Variants in FKBP15 observed in about 807,000 individuals in gnomAD.
FKBP15 encodes FK506-binding protein 15.
In FKBP15, 106 loss-of-function variants were observed where a neutral mutation model predicts 158.1. The ratio of observed to expected loss-of-function variants is 0.67; its 90% confidence interval spans 0.57 to 0.79. FKBP15 has a LOEUF of 0.79. Among genes scored for constraint, FKBP15 ranks in the 30% least tolerant of loss-of-function variants. The pLI is 0.00. For missense variants in FKBP15, 1,287 were observed against 1,479.1 expected, an observed-to-expected ratio of 0.87 and a Z score of 2.13; for synonymous variants, 547 against 548.6, an observed-to-expected ratio of 1.00 and a Z score of 0.04.
intron 6 of FKBP15, among the ~76,000 whole-genome samples, chr9:113,202,174 G>A (rs770052427): frequency 6.6e-5 from 10 of 152,046 alleles, no homozygotes; most frequent in South Asian, 4.1e-4. Flanking sequence ...GATTACAAGC[G>A]TGGCATGAAC....
At chr9:113,189,917 A>G (rs2118899901) in intron 12 of FKBP15, among the ~76,000 whole-genome samples, 1 of 152,354 alleles carries the variant, frequency 6.6e-6, no homozygotes, top group South Asian at 2.1e-4. Context: ...TGTGATATTT[A>G]TAATCTGAAA....
intron 21 of FKBP15, among the ~76,000 whole-genome samples, chr9:113,176,018 G>A (rs997532848): frequency 5.3e-5 from 8 of 152,122 alleles, no homozygotes; most frequent in East Asian, 3.8e-4. Context: ...AATCCATCAC[G>A]TAGGAATGCT....
intron 7 of FKBP15, 102 bp from the exon 8 acceptor site, chr9:113,199,025 G>T: frequency 2.6e-6 from 2 of 769,756 alleles, no homozygotes; most frequent in Non-Finnish European, 2.2e-6. Flanking sequence ...TTCTGGAATA[G>T]GGAATGTCAA....
At chr9:113,216,037 C>T (rs1831124061) in intron 1 of FKBP15, among the ~76,000 whole-genome samples, 1 of 138,362 alleles carries the variant, frequency 7.2e-6, no homozygotes, top group Non-Finnish European at 1.5e-5. Flanking sequence ...CAAAATGATG[C>T]CAATAGACTC....
chr9:113,170,570 T>C lies in FKBP15; in HGVS notation c.2718A>G (p.Glu906=). The change falls in exon 25 of 28, where the codon GAA becomes GAG. Residue 906 remains glutamate, a synonymous_variant. Coordinates refer to ENST00000238256, the MANE Select transcript of FKBP15 (RefSeq NM_015258.2). ...QSLRREFELE[E]SYNGRTILGT... ...CCAGAATGGTCCTGCCATTGTAAGA[T>C]TCCTCCAGCTCAAACTCTCTCCGTA... The C allele has an allele frequency of 6.2e-7, 1 of 1,614,010 alleles. No homozygotes were observed. The highest frequency in any genetic ancestry group is 1.1e-5 in the South Asian group (1 of 91,086).
At position 113,161,844 on chromosome 9, in the gene FKBP15, C is replaced by T; in HGVS notation, c.*4234G>A. ...GACTTGCCAAAGTGGCTACACATAG[C>T]CAAGTGAACTAGAGCTCATGTCTCC... On this transcript the variant is annotated 3_prime_UTR_variant, in exon 28 of 28. Coordinates refer to ENST00000238256, the MANE Select transcript of FKBP15 (RefSeq NM_015258.2). 1.2e-6 allele frequency: 1 copy of T among 841,074 alleles called. No individual in the cohort carries two copies. The highest frequency in any genetic ancestry group is 2.0e-6 in the Non-Finnish European group (1 of 509,808). 52.1% of individuals were successfully genotyped at this position (841,074 alleles called of 1,614,324 possible). A position where few individuals can be genotyped will look rare whatever the true frequency, so the allele number is the denominator to read the frequency against.
chr9:113,213,645 T>C (rs957342878), intron 1 of FKBP15, among the ~76,000 whole-genome samples: 5 of 151,780 alleles, frequency 3.3e-5, no homozygotes, highest in Admixed American at 6.6e-5. Context: ...GGTGGCGTTA[T>C]AAGAAGAGGA....
intron 1 of FKBP15, among the ~76,000 whole-genome samples, chr9:113,218,398 TATATATATATATATAC>T (rs1014688158): frequency 7.3e-6 from 1 of 137,416 alleles, no homozygotes; most frequent in African/African-American, 2.6e-5. Flanking sequence ...TATATATATA[TATATATATATATATAC>T]ATTTCTCATT....
At chr9:113,173,648 G>A (rs879216172) in intron 22 of FKBP15, 43 bp from the exon 23 acceptor site, 1 of 1,589,730 alleles carries the variant, frequency 6.3e-7, no homozygotes, top group Non-Finnish European at 8.6e-7. Flanking sequence ...TGGGGGTGGG[G>A]GAGTGAGATT....
chr9:113,170,378 C>A, intron 25 of FKBP15, 144 bp downstream of exon 25: 1 of 653,440 alleles, frequency 1.5e-6, no homozygotes, highest in South Asian at 1.9e-5. Flanking sequence ...GCAGTCCTCC[C>A]ACCTTGGCCT....
intron 7 of FKBP15, 135 bp downstream of exon 7, chr9:113,199,679 T>C: frequency 1.2e-6 from 1 of 862,482 alleles, no homozygotes; most frequent in Non-Finnish European, 1.7e-6. Context: ...CCAAAGCAAT[T>C]GCAGTGTCTA....
Position 113,184,217 on chromosome 9 carries a change from TAAAGAGTAGTACCTCTG to T in FKBP15, c.1716+58_1716+74del. The T allele has an allele frequency of 9.9e-7, 1 of 1,014,920 alleles. No individual in the cohort carries two copies. The highest frequency in any genetic ancestry group is 1.5e-6 in the Non-Finnish European group (1 of 668,320). 62.9% of individuals were successfully genotyped at this position (1,014,920 alleles called of 1,614,324 possible). A position where few individuals can be genotyped will look rare whatever the true frequency, so the allele number is the denominator to read the frequency against. On this transcript the variant is annotated intron_variant, in intron 17 of 27. Transcript: ENST00000238256. This position sits in a 1 kb window ranked among gnomAD's most constrained non-coding sequence, Gnocchi z 4.5. ...CAGGCTATTTCTGGGGTGGAGGTGTTAAAGAGTAGTACCTCTGAGAAGAGAGGATGGGTAAGACCTTC... is the reference window on the plus strand; with the variant it reads ...CAGGCTATTTCTGGGGTGGAGGTGTTAGAAGAGAGGATGGGTAAGACCTTC...
intron 26 of FKBP15, among the ~76,000 whole-genome samples, chr9:113,168,799 T>G (rs781406810): frequency 6.6e-6 from 1 of 152,184 alleles, no homozygotes; most frequent in Non-Finnish European, 1.5e-5. Context: ...TCAGAATCCT[T>G]CCCTAGCCAC....
At chr9:113,181,576 G>A (rs904504376) in intron 19 of FKBP15, among the ~76,000 whole-genome samples, 2 of 152,146 alleles carry the variant, frequency 1.3e-5, no homozygotes, top group Admixed American at 6.6e-5. Context: ...GGAGGTTCGG[G>A]ATTTAAGAAT....
chr9:113,172,205 T>C (rs1337513793), intron 23 of FKBP15, among the ~76,000 whole-genome samples: 1 of 152,184 alleles, frequency 6.6e-6, no homozygotes, highest in Non-Finnish European at 1.5e-5. Context: ...TGCATAGTAT[T>C]CCATGGTGTA....
At chr9:113,168,593 C>G (rs201819108) in intron 26 of FKBP15, 37 bp from the exon 27 acceptor site, 2 of 1,591,188 alleles carry the variant, frequency 1.3e-6, no homozygotes, top group South Asian at 1.1e-5. Flanking sequence ...TGTTATTGTT[C>G]CTGCTCCAGG....
At chr9:113,211,696 A>G (rs1831009516) in intron 1 of FKBP15, 104 bp from the exon 2 acceptor site, 2 of 660,008 alleles carry the variant, frequency 3.0e-6, no homozygotes, top group South Asian at 2.0e-5. Context: ...CTCCTTGACT[A>G]CATCCCACCA....
At chr9:113,171,733 G>GC (rs755892419) in intron 23 of FKBP15, 27 bp from the exon 24 acceptor site, 1 of 1,317,110 alleles carries the variant, frequency 7.6e-7, no homozygotes, top group South Asian at 1.6e-5. Flanking sequence ...CTGTGGCTGT[G>GC]GCCTCAGGAA....
rs758999408 is a variant in FKBP15 at position 113,162,825 on chromosome 9, G to A, written c.*3253C>T. 14 of 1,613,740 alleles carry A rather than the reference G, an allele frequency of 8.7e-6. No individual in the cohort carries two copies. The highest frequency in any genetic ancestry group is 1.1e-5 in the Non-Finnish European group (13 of 1,179,786). On this transcript the variant is annotated 3_prime_UTR_variant, in exon 28 of 28. Transcript: ENST00000238256. ...CATCGGCTACTTCATCATGCTGGCC[G>A]TAATGTCCTACAACACCTGGATTTT... is the stretch of plus-strand genomic sequence containing the variant.
Sources: gnomAD v4.1 joint callset for allele counts (sites outside exome capture counted in the v4.1 genomes callset) on GRCh38, gnomAD v4.1.1 for gene constraint, Gnocchi (gnomAD v3.1) non-coding constraint, MANE v1.5 for transcripts, NCBI Gene and HGNC (gene_info 2026-07-23, HGNC 2026-07-21) for gene names.